Variants in C8orf34 observed in about 807,000 individuals in gnomAD.
The protein encoded by C8orf34 is chromosome 8 open reading frame 34.
Under a neutral mutation model 68.3 loss-of-function variants are expected in C8orf34, and 65 were observed. The ratio of observed to expected loss-of-function variants is 0.95; its 90% CI spans 0.78 to 1.17. The LOEUF (loss-of-function observed/expected upper bound fraction) is 1.17, where lower values mean the gene tolerates loss of function less well. Ranked by LOEUF, C8orf34 falls within the 50% of genes most tolerant of loss-of-function variation. C8orf34 has a pLI of 0.00. For missense variants in C8orf34, 664 were observed against 655.4 expected (o/e 1.01, Z -0.14); for synonymous variants, 244 against 241.2 (o/e 1.01, Z -0.11).
chr8:68,657,208 A>G (rs1585683249), intron 8 of C8orf34, among the ~76,000 whole-genome samples: 1 of 152,148 alleles, frequency 6.6e-6, no homozygotes, highest in African/African-American at 2.4e-5. Context: ...CACAGTTCAC[A>G]TTCGCTTCCT....
At position 68,631,878 on chromosome 8, in the gene C8orf34, G is replaced by C. The variant is rs150513559; in HGVS notation, c.1106-8498G>C. On this transcript the variant is annotated intron_variant, in intron 7 of 13. Coordinates refer to ENST00000518698, the MANE Select transcript of C8orf34 (RefSeq NM_052958.4). ...TTCTTGAGACCTCCTCAGCTATGTG[G>C]AACTGTGAGTCAGTTAGACCTCTTT... Among the ~76,000 whole-genome samples, 867 of 152,268 alleles carry C rather than the reference G, an allele frequency of 5.7e-3. 5 individuals are homozygous for C. Among genetic ancestry groups the C allele is most frequent in the Non-Finnish European group, 0.01 (698 of 68,036 alleles).
chr8:68,414,646 G>A (rs911218535), intron 1 of C8orf34, among the ~76,000 whole-genome samples: 1 of 152,034 alleles, frequency 6.6e-6, no homozygotes, highest in Non-Finnish European at 1.5e-5. Flanking sequence ...AGAACTGCAC[G>A]GGTAAAATAA....
At chr8:68,743,736 C>G (rs1260546497) in intron 10 of C8orf34, among the ~76,000 whole-genome samples, 1 of 152,202 alleles carries the variant, frequency 6.6e-6, no homozygotes, top group African/African-American at 2.4e-5. Flanking sequence ...GGGTCCTACG[C>G]CCACGGAGTC....
At chr8:68,701,718 G>A (rs1392583625) in intron 8 of C8orf34, among the ~76,000 whole-genome samples, 2 of 151,976 alleles carry the variant, frequency 1.3e-5, no homozygotes, top group African/African-American at 4.8e-5. Context: ...TCACTTCTAT[G>A]TTTCAAAACT....
chr8:68,751,247 T>C (rs1274155191), intron 10 of C8orf34, among the ~76,000 whole-genome samples: 2 of 152,188 alleles, frequency 1.3e-5, no homozygotes, highest in African/African-American at 4.8e-5. Context: ...GCTCAATATA[T>C]GCTTACTATA....
chr8:68,598,477 G>A (rs1390985012), intron 7 of C8orf34, among the ~76,000 whole-genome samples: 2 of 152,246 alleles, frequency 1.3e-5, no homozygotes, highest in Middle Eastern at 3.4e-3. Flanking sequence ...GGAAGAGGCC[G>A]TGGCACAGCT....
intron 4 of C8orf34, among the ~76,000 whole-genome samples, chr8:68,472,681 T>A (rs1812432466): frequency 6.6e-6 from 1 of 152,200 alleles, no homozygotes; most frequent in African/African-American, 2.4e-5. Context: ...GTATACGTTT[T>A]GTATTTTCAA....
chr8:68,640,354 G>T (rs1305442890), intron 7 of C8orf34, 22 bp from the exon 8 acceptor site: 1 of 1,605,500 alleles, frequency 6.2e-7, no homozygotes, highest in Non-Finnish European at 8.5e-7. Context: ...TTTTTTCTCT[G>T]TAATTGTTTG....
At chr8:68,806,272 T>C (rs906309624) in intron 12 of C8orf34, among the ~76,000 whole-genome samples, 2 of 152,116 alleles carry the variant, frequency 1.3e-5, no homozygotes, top group Non-Finnish European at 2.9e-5. Context: ...TATTCCTTTT[T>C]TTCAATATCT....
chr8:68,369,911 G>T (rs912086207), intron 1 of C8orf34, among the ~76,000 whole-genome samples: 1 of 152,192 alleles, frequency 6.6e-6, no homozygotes, highest in African/African-American at 2.4e-5. Flanking sequence ...TGTACTGCCT[G>T]CAGAGTCTTC....
At chr8:68,741,487 A>G (rs528664680) in intron 10 of C8orf34, among the ~76,000 whole-genome samples, 1 of 152,218 alleles carries the variant, frequency 6.6e-6, no homozygotes, top group African/African-American at 2.4e-5. Context: ...ATACTCTTTT[A>G]GTTATTTTTA....
chr8:68,800,778 C>G (rs149629078), intron 12 of C8orf34, among the ~76,000 whole-genome samples: 147 of 152,282 alleles, frequency 9.7e-4, no homozygotes, highest in Admixed American at 1.7e-3. Context: ...CTTTTCAGGG[C>G]TCTTTAGCTA....
intron 3 of C8orf34, among the ~76,000 whole-genome samples, chr8:68,453,195 G>A (rs993964640): frequency 6.6e-6 from 1 of 151,920 alleles, no homozygotes; most frequent in Non-Finnish European, 1.5e-5. Context: ...TTTGAAATTG[G>A]GAAGTATGAG....
At chr8:68,619,173 G>A (rs1428159482) in intron 7 of C8orf34, among the ~76,000 whole-genome samples, 2 of 152,002 alleles carry the variant, frequency 1.3e-5, no homozygotes, top group Non-Finnish European at 2.9e-5. Context: ...TACAAATACA[G>A]AAATTATCTG....
intron 10 of C8orf34, among the ~76,000 whole-genome samples, chr8:68,756,002 G>C (rs1326479842): frequency 6.6e-6 from 1 of 151,876 alleles, no homozygotes; most frequent in Non-Finnish European, 1.5e-5. Flanking sequence ...GGGAGGCGGA[G>C]CTTGCAGTGA....
chr8:68,717,917 G>A (rs1489637537), intron 9 of C8orf34, among the ~76,000 whole-genome samples: 1 of 152,172 alleles, frequency 6.6e-6, no homozygotes, highest in Admixed American at 6.5e-5. Flanking sequence ...TGAACATTAA[G>A]TAATGTGTCA....
At chr8:68,397,515 CTTTAT>C (rs1808767270) in intron 1 of C8orf34, among the ~76,000 whole-genome samples, 1 of 151,996 alleles carries the variant, frequency 6.6e-6, no homozygotes, top group Admixed American at 6.6e-5. Context: ...ATATAAATTT[CTTTAT>C]TTTGTTTAAT....
intron 1 of C8orf34, among the ~76,000 whole-genome samples, chr8:68,417,860 A>C (rs1270389492): frequency 6.6e-6 from 1 of 151,862 alleles, no homozygotes; most frequent in African/African-American, 2.4e-5. Flanking sequence ...TGGGGATGGC[A>C]TTGAATCTGT....
At chr8:68,624,003 C>G (rs1485620568) in intron 7 of C8orf34, among the ~76,000 whole-genome samples, 1 of 152,012 alleles carries the variant, frequency 6.6e-6, no homozygotes, top group Non-Finnish European at 1.5e-5. Context: ...CTGTGCGCAG[C>G]AGCTCACACC....
Sources: allele counts gnomAD v4.1 joint callset (sites outside exome capture counted in the v4.1 genomes callset), GRCh38; gene constraint gnomAD v4.1.1; transcripts MANE v1.5; gene names NCBI Gene and HGNC (gene_info 2026-07-23, HGNC 2026-07-21).